The following LPA variants were observed in gnomAD, a reference collection of about 807,000 sequenced individuals.
LPA encodes apolipoprotein(a).
Under a neutral mutation model 197.9 loss-of-function variants are expected in LPA, and 199 were observed. The ratio of observed to expected loss-of-function variants is 1.01; its 90% CI spans 0.90 to 1.13. The LOEUF (loss-of-function observed/expected upper bound fraction) is 1.13. LPA is among the 50% of genes most tolerant of loss of function. LPA has a pLI of 0.00. For synonymous variants in LPA, 715 were observed against 639.5 expected (o/e 1.12, Z -1.78); for missense variants, 1,853 against 1,785.8 (o/e 1.04, Z -0.68).
chr6:160,584,181 TC>T (rs1461411165), intron 26 of LPA, among the ~76,000 whole-genome samples: 1 of 55,768 alleles, frequency 1.8e-5, no homozygotes, highest in Non-Finnish European at 3.2e-5. Flanking sequence ...TTCTTCTTCT[TC>T]TTCTTCTTCT....
chr6:160,662,670 T>G (rs1032565472), intron 1 of LPA, among the ~76,000 whole-genome samples: 2 of 152,164 alleles, frequency 1.3e-5, no homozygotes, highest in African/African-American at 2.4e-5. Context: ...CACACAGACA[T>G]AGACACCAAT....
At chr6:160,539,703 C>T (rs1006996300) in intron 36 of LPA, among the ~76,000 whole-genome samples, 2 of 152,124 alleles carry the variant, frequency 1.3e-5, no homozygotes, top group Admixed American at 6.5e-5. Flanking sequence ...TCATTTGATT[C>T]TCTCCAGCAT....
intron 33 of LPA, 22 bp from the exon 34 acceptor site, chr6:160,542,830 G>T (rs752503682): frequency 6.2e-7 from 1 of 1,613,714 alleles, no homozygotes; most frequent in South Asian, 1.1e-5. Context: ...GGTGGGAAAA[G>T]AAGTCGCATT....
intron 19 of LPA, among the ~76,000 whole-genome samples, chr6:160,600,304 C>T (rs1387769501): frequency 1.3e-5 from 2 of 152,108 alleles, no homozygotes; most frequent in Non-Finnish European, 2.9e-5. Context: ...TTTCTCCAGA[C>T]CCCCCGCAGG....
At chr6:160,605,452 A>G (rs1779328531) in intron 17 of LPA, among the ~76,000 whole-genome samples, 1 of 152,212 alleles carries the variant, frequency 6.6e-6, no homozygotes, top group Admixed American at 6.5e-5. Context: ...TCTTAGAAAT[A>G]TTTCACATAA....
intron 1 of LPA, among the ~76,000 whole-genome samples, chr6:160,655,904 G>T (rs527960856): frequency 6.6e-6 from 1 of 152,176 alleles, no homozygotes; most frequent in African/African-American, 2.4e-5. Flanking sequence ...CACCCCTGAG[G>T]TAGGGTGGTA....
In LPA at chr6:160,547,892, G is replaced by A. The variant is rs753280060; in HGVS notation, c.5201C>T (p.Thr1734Ile). The A allele has an allele frequency of 5.4e-5, 87 of 1,613,940 alleles. No individual in the cohort carries two copies. The highest frequency in any genetic ancestry group is 1.0e-4 in the Admixed American group (6 of 59,988). Residue 1734 changes from threonine to isoleucine, a missense_variant, in exon 32 of 39, where the codon ACC becomes ATC. Transcript: ENST00000316300. ...CTGGCATGGCGTCCCAGTAACAGTG[G>A]TTGCCTTCTTGCCCCGGTATCCTTT... is the stretch of plus-strand genomic sequence containing the variant. ...NGKGYRGKKA[T>I]TVTGTPCQEW...
chr6:160,657,303 C>T (rs920148902), intron 1 of LPA, among the ~76,000 whole-genome samples: 4 of 152,120 alleles, frequency 2.6e-5, no homozygotes, highest in African/African-American at 7.2e-5. Context: ...CTTTGGATCA[C>T]TTCCTCTACA....
rs138357319 is a variant in LPA at position 160,570,270 on chromosome 6, T to G, written c.4631+6866A>C. On this transcript the variant is annotated intron_variant, in intron 28 of 38. Transcript: ENST00000316300. ...TCAATGGTAGACTGGATTAAGAAAA[T>G]GTGGCACATATACACCATGGAATAC... 7.4e-3 allele frequency among the ~76,000 whole-genome samples: 1,119 copies of G among 152,158 alleles called. 13 individuals are homozygous for G. Among genetic ancestry groups the G allele is most frequent in the African/African-American group, 0.025 (1,056 of 41,480 alleles).
intron 2 of LPA, among the ~76,000 whole-genome samples, chr6:160,648,969 T>C (rs1394692945): frequency 6.6e-6 from 1 of 152,200 alleles, no homozygotes. Context: ...TCAAGTTTTA[T>C]ATTTAGGCCT....
intron 20 of LPA, among the ~76,000 whole-genome samples, chr6:160,598,249 AG>A (rs2115052029): frequency 6.6e-6 from 1 of 152,258 alleles, no homozygotes; most frequent in South Asian, 2.1e-4. Flanking sequence ...CTTCTATGCA[AG>A]TGCTGCTTTA....
At chr6:160,535,034 G>T (rs1562312893) in intron 37 of LPA, among the ~76,000 whole-genome samples, 1 of 149,930 alleles carries the variant, frequency 6.7e-6, no homozygotes, top group Non-Finnish European at 1.5e-5. Context: ...GATGGTGGTG[G>T]AGTAGTGGTG....
At chr6:160,533,498 C>T (rs1042114732) in intron 37 of LPA, among the ~76,000 whole-genome samples, 5 of 152,148 alleles carry the variant, frequency 3.3e-5, no homozygotes, top group African/African-American at 4.8e-5. Flanking sequence ...CCTCCCCATG[C>T]GTGTTGGCCC....
rs7759314 is a variant in LPA at position 160,537,121 on chromosome 6, C to T, written c.5842+734G>A. On this transcript the variant is annotated intron_variant, in intron 37 of 38. Transcript: ENST00000316300. Reference sequence around the variant, plus strand: ...TAGAGCTGAGACTTTAAGACAGTTTCAGTTTTCCTACTGCCAAGGGGGTAA... The same window carrying T: ...TAGAGCTGAGACTTTAAGACAGTTTTAGTTTTCCTACTGCCAAGGGGGTAA... Among the ~76,000 whole-genome samples the T allele has an allele frequency of 1.9e-3, 290 of 152,264 alleles. 1 individual carries two copies. The highest frequency in any genetic ancestry group is 6.7e-3 in the African/African-American group (279 of 41,546).
At chr6:160,601,849 T>C (rs1283368482) in intron 18 of LPA, among the ~76,000 whole-genome samples, 1 of 152,108 alleles carries the variant, frequency 6.6e-6, no homozygotes. Flanking sequence ...GCCACAGCAA[T>C]TCCGGGACTG....
rs962743154 is a variant in LPA, at chr6:160,545,328, T to C, written c.5398+112A>G. ...CAGGCTCTGGTGGAGAGGGCAGCCA[T>C]CTCCTCCCCAGAAGCACTCAGCTCA... On this transcript the variant is annotated intron_variant, in intron 33 of 38. Coordinates refer to ENST00000316300, the MANE Select transcript of LPA (RefSeq NM_005577.4). 4.4e-5 allele frequency: 34 copies of C among 765,346 alleles called. No individual in the cohort carries two copies. The African/African-American group carries it at 4.7e-4, about 11-fold the overall frequency. The allele number at this position is 765,346 out of a possible 1,614,324, so 47.4% of individuals were successfully genotyped here.
At position 160,547,563 on chromosome 6, in the gene LPA, G is replaced by A. The variant is rs543352158; in HGVS notation, c.5304+226C>T. On this transcript the variant is annotated intron_variant, in intron 32 of 38. Coordinates refer to ENST00000316300, the MANE Select transcript of LPA (RefSeq NM_005577.4). Reference sequence around the variant, plus strand: ...GGCTTAGAGGACAAGCACTAGAAACGAGAAACAGCACCCAACAATGGAAAC... The same window carrying A: ...GGCTTAGAGGACAAGCACTAGAAACAAGAAACAGCACCCAACAATGGAAAC... Among the ~76,000 whole-genome samples, 44 of 152,240 alleles carry A rather than the reference G, an allele frequency of 2.9e-4. No individual in the cohort carries two copies. In the South Asian group the frequency reaches 7.9e-3, roughly 27 times the overall value.
chr6:160,576,386 A>ATATATG (rs1778670039), intron 28 of LPA, among the ~76,000 whole-genome samples: 2 of 54,260 alleles, frequency 3.7e-5, no homozygotes, highest in Non-Finnish European at 5.9e-5. Context: ...ATATATATAT[A>ATATATG]TATGTATATA....
intron 35 of LPA, 54 bp from the exon 36 acceptor site, chr6:160,540,237 C>A: frequency 6.2e-7 from 1 of 1,611,064 alleles, no homozygotes. Flanking sequence ...CTTCAGGTAT[C>A]CTCTGTGCCA....
Sources: gnomAD v4.1 joint callset for allele counts (sites outside exome capture counted in the v4.1 genomes callset) on GRCh38, gnomAD v4.1.1 for gene constraint, MANE v1.5 for transcripts, NCBI Gene and HGNC (gene_info 2026-07-23, HGNC 2026-07-21) for gene names.